GALNT17: variants seen among roughly 807,000 people sequenced by gnomAD.
GALNT17 encodes the protein UDP-GalNAc:polypeptide N-acetylgalactosaminyltransferase-like 3.
GALNT17 carries 29 observed loss-of-function variants against 63.7 expected under a neutral mutation model. The ratio of observed to expected loss-of-function variants is 0.46; its 90% CI spans 0.34 to 0.62. The LOEUF (loss-of-function observed/expected upper bound fraction) is 0.62. GALNT17 is among the 20% of genes least tolerant of loss of function. The pLI, the probability that GALNT17 is intolerant of heterozygous loss-of-function variation, is 0.01. For missense variants in GALNT17, 603 were observed against 799.6 expected (o/e 0.75, Z 2.97); for synonymous variants, 305 against 318.3 (o/e 0.96, Z 0.45).
intron 5 of GALNT17, among the ~76,000 whole-genome samples, chr7:71,563,492 A>G (rs1584052749): frequency 6.6e-6 from 1 of 152,234 alleles, no homozygotes; most frequent in African/African-American, 2.4e-5. Context: ...CTCGTTTATC[A>G]GTCCAGGCAG....
At chr7:71,302,024 G>T (rs1419456643) in intron 1 of GALNT17, among the ~76,000 whole-genome samples, 2 of 152,190 alleles carry the variant, frequency 1.3e-5, no homozygotes, top group Non-Finnish European at 2.9e-5. Context: ...GCCATAAAAA[G>T]GAATGAGATC....
chr7:71,491,854 C>T, intron 5 of GALNT17, among the ~76,000 whole-genome samples: 1 of 152,184 alleles, frequency 6.6e-6, no homozygotes, highest in East Asian at 1.9e-4. Flanking sequence ...CTGTGATTGT[C>T]CTTCTGGAAG....
intron 1 of GALNT17, among the ~76,000 whole-genome samples, chr7:71,268,085 T>C (rs1240016441): frequency 6.6e-6 from 1 of 152,154 alleles, no homozygotes; most frequent in African/African-American, 2.4e-5. Context: ...TACCAAGGGA[T>C]TCACAAGATT....
At chr7:71,541,707 T>A (rs1396145560) in intron 5 of GALNT17, among the ~76,000 whole-genome samples, 1 of 152,190 alleles carries the variant, frequency 6.6e-6, no homozygotes, top group Non-Finnish European at 1.5e-5. Flanking sequence ...CTTTCCCTGA[T>A]TCCTAACAAT....
At chr7:71,612,411 G>C (rs1048805066) in intron 6 of GALNT17, among the ~76,000 whole-genome samples, 1 of 152,152 alleles carries the variant, frequency 6.6e-6, no homozygotes, top group African/African-American at 2.4e-5. Flanking sequence ...GCATTGCAAC[G>C]TGGACCACCA....
At chr7:71,417,796 A>G (rs766620598) in intron 4 of GALNT17, among the ~76,000 whole-genome samples, 1 of 152,136 alleles carries the variant, frequency 6.6e-6, no homozygotes, top group Non-Finnish European at 1.5e-5. Context: ...TCAAAACTGA[A>G]AGGACATGGC....
chr7:71,489,921 G>A (rs1172888362), intron 5 of GALNT17, among the ~76,000 whole-genome samples: 1 of 152,164 alleles, frequency 6.6e-6, no homozygotes. Context: ...CACTTTGGGA[G>A]GCCAAGGCGG....
At chr7:71,269,255 A>G (rs1418752586) in intron 1 of GALNT17, among the ~76,000 whole-genome samples, 3 of 152,152 alleles carry the variant, frequency 2.0e-5, no homozygotes, top group Non-Finnish European at 4.4e-5. Context: ...ACTTGAGGCC[A>G]GGGGTTCGAG....
chr7:71,287,209 C>CCT (rs1234414776), intron 1 of GALNT17, among the ~76,000 whole-genome samples: 1 of 152,136 alleles, frequency 6.6e-6, no homozygotes, highest in Non-Finnish European at 1.5e-5. Flanking sequence ...TTCACCCCAG[C>CCT]CTCTTGAGTA....
At chr7:71,460,147 C>T (rs1787427899) in intron 5 of GALNT17, among the ~76,000 whole-genome samples, 1 of 152,130 alleles carries the variant, frequency 6.6e-6, no homozygotes, top group Admixed American at 6.5e-5. Context: ...GTGTCACGGG[C>T]CATGGTCACT....
intron 6 of GALNT17, among the ~76,000 whole-genome samples, chr7:71,618,503 C>G (rs545753435): frequency 1.3e-5 from 2 of 152,222 alleles, no homozygotes; most frequent in South Asian, 4.1e-4. Context: ...TAGTAATAGC[C>G]ATTCTGACTG....
intron 4 of GALNT17, among the ~76,000 whole-genome samples, chr7:71,419,604 T>C (rs1786620903): frequency 6.6e-6 from 1 of 152,012 alleles, no homozygotes; most frequent in Non-Finnish European, 1.5e-5. Context: ...GGAGAGGTGG[T>C]ACTTGGTCTT....
chr7:71,138,709 C>G (rs555013122), intron 1 of GALNT17, among the ~76,000 whole-genome samples: 7 of 152,160 alleles, frequency 4.6e-5, no homozygotes, highest in African/African-American at 7.2e-5. Context: ...CACAGTGGCT[C>G]ACGCCTGTAA....
intron 1 of GALNT17, among the ~76,000 whole-genome samples, chr7:71,232,205 G>C (rs1023846514): frequency 2.0e-5 from 3 of 152,000 alleles, no homozygotes; most frequent in African/African-American, 2.4e-5. Context: ...TCTCTGAGGG[G>C]ATCTGCCAAA....
rs1460068895 is a variant in GALNT17, at chr7:71,132,950, A to T, written c.148A>T (p.Asn50Tyr). The change falls in exon 1 of 11, where the codon AAC becomes TAC. Residue 50 changes from asparagine to tyrosine, a missense_variant. By Grantham distance (143) the Asn-to-Tyr change is moderately radical. Coordinates refer to ENST00000333538, the MANE Select transcript of GALNT17 (RefSeq NM_022479.3). Reference sequence around the variant, plus strand: ...GATCCGGCCGCGCGCCGAGGTGGCCAACCTCAGCGCGCACAGCGCCAGCCC... The same window carrying T: ...GATCCGGCCGCGCGCCGAGGTGGCCTACCTCAGCGCGCACAGCGCCAGCCC... Reference protein sequence around the residue: ...HEIRPRAEVANLSAHSASPIQ... With the variant: ...HEIRPRAEVAYLSAHSASPIQ... 1 of 1,610,280 alleles carries T rather than the reference A, an allele frequency of 6.2e-7. No individual in the cohort carries two copies. Among genetic ancestry groups the T allele is most frequent in the South Asian group, 1.1e-5 (1 of 90,970 alleles).
rs111955265 is a variant in GALNT17 at position 71,472,729 on chromosome 7, A to T, written c.962+51624A>T. Reference sequence around the variant, plus strand: ...ACTAAACTAAAATAAATAAAAATTAAAAAGTCATTTAGTCTGGATATCATA... The same window carrying T: ...ACTAAACTAAAATAAATAAAAATTATAAAGTCATTTAGTCTGGATATCATA... On this transcript the variant is annotated intron_variant, in intron 5 of 10. Coordinates refer to ENST00000333538, the MANE Select transcript of GALNT17 (RefSeq NM_022479.3). Among the ~76,000 whole-genome samples, 801 of 152,272 alleles carry T rather than the reference A, an allele frequency of 5.3e-3. 8 individuals carry two copies. Among genetic ancestry groups the T allele is most frequent in the African/African-American group, 0.018 (765 of 41,558 alleles).
chr7:71,374,513 G>A (rs1028805381), intron 2 of GALNT17, among the ~76,000 whole-genome samples: 6 of 152,206 alleles, frequency 3.9e-5, no homozygotes, highest in Admixed American at 3.3e-4. Flanking sequence ...CTTGGAGCTG[G>A]TACGTAGCTC....
At chr7:71,230,737 C>G (rs924273881) in intron 1 of GALNT17, among the ~76,000 whole-genome samples, 1 of 152,084 alleles carries the variant, frequency 6.6e-6, no homozygotes, top group Non-Finnish European at 1.5e-5. Context: ...GGAGGGCATC[C>G]AGACCCATCC....
intron 1 of GALNT17, among the ~76,000 whole-genome samples, chr7:71,146,378 C>T (rs1788023788): frequency 6.6e-6 from 1 of 152,164 alleles, no homozygotes; most frequent in African/African-American, 2.4e-5. Flanking sequence ...CAAGACCTGA[C>T]TTCCTAGCAG....
Sources: gnomAD v4.1 joint callset for allele counts (sites outside exome capture counted in the v4.1 genomes callset) on GRCh38, gnomAD v4.1.1 for gene constraint, MANE v1.5 for transcripts, NCBI Gene and HGNC (gene_info 2026-07-23, HGNC 2026-07-21) for gene names.